Variants in ELOC observed in about 807,000 individuals in gnomAD.
ELOC encodes the protein elongin C, also known as elongin-C.
For synonymous variants in ELOC, 40 were observed against 51.3 expected (o/e 0.78, Z 0.94); for missense variants, 38 against 139.0 (o/e 0.27, Z 3.65).
rs1814144121 is a variant in ELOC at position 73,955,892 on chromosome 8, AAGAC to A, written c.148+15_148+18del. On this transcript the variant is annotated intron_variant, in intron 3 of 3. Transcript: ENST00000520242. ...CATTAAAAGTGAATATATGAAGAAA[AAGAC>A]AGAACTGTGCTTACCTGGGCCACTC... is the stretch of plus-strand genomic sequence containing the variant. The A allele has an allele frequency of 5.1e-6, 8 of 1,578,906 alleles. No homozygotes were observed. Among genetic ancestry groups the A allele is most frequent in the Middle Eastern group, 1.8e-4 (1 of 5,702 alleles).
chr8:73,965,351 G>A (rs1814902776), intron 1 of ELOC, among the ~76,000 whole-genome samples: 1 of 152,146 alleles, frequency 6.6e-6, no homozygotes, highest in Non-Finnish European at 1.5e-5. Flanking sequence ...GAGAGGATGT[G>A]GAGCAAATGA....
chr8:73,952,555 C>T (rs530007053), intron 3 of ELOC, among the ~76,000 whole-genome samples: 7 of 148,686 alleles, frequency 4.7e-5, no homozygotes, highest in East Asian at 2.0e-4. Flanking sequence ...CTGAGATGGG[C>T]GGATCATGAG....
chr8:73,960,900 C>A (rs1227341608), intron 1 of ELOC, among the ~76,000 whole-genome samples: 1 of 152,000 alleles, frequency 6.6e-6, no homozygotes, highest in South Asian at 2.1e-4. Flanking sequence ...CTGCCTGAAC[C>A]CAGGAGACTG....
chr8:73,948,255 T>G (rs1056086985), intron 3 of ELOC, among the ~76,000 whole-genome samples: 3 of 151,746 alleles, frequency 2.0e-5, no homozygotes, highest in African/African-American at 7.3e-5. Flanking sequence ...TCTAATTCTC[T>G]CCCTGTGGGT....
At chr8:73,971,032 CAAAAAAA>C (rs67188912) in intron 1 of ELOC, among the ~76,000 whole-genome samples, 5 of 62,036 alleles carry the variant, frequency 8.1e-5, no homozygotes, top group Non-Finnish European at 1.2e-4. Context: ...GACTCCGTCT[CAAAAAAA>C]AAAAAAAAAA....
chr8:73,948,835 A>AAGCAAG (rs1813560244), intron 3 of ELOC, among the ~76,000 whole-genome samples: 78 of 150,380 alleles, frequency 5.2e-4, no homozygotes, highest in African/African-American at 1.8e-3. Context: ...CCTGTCACTC[A>AAGCAAG]CAAGCAAGCA....
At chr8:73,971,674 T>C (rs1236047845) in intron 1 of ELOC, among the ~76,000 whole-genome samples, 1 of 151,922 alleles carries the variant, frequency 6.6e-6, no homozygotes, top group Non-Finnish European at 1.5e-5. Context: ...GTACTGCAGC[T>C]AGAAGAAGCG....
rs1413241259 is a variant in ELOC, at chr8:73,946,595, GAA to G, written c.*33_*34del. 1.1e-5 allele frequency: 17 copies of G among 1,483,132 alleles called. No homozygotes were observed. The highest frequency in any genetic ancestry group is 1.4e-5 in the Non-Finnish European group (16 of 1,107,050). The allele number at this position is 1,483,132 out of a possible 1,614,324, so 91.9% of individuals were successfully genotyped here. On this transcript the variant is annotated 3_prime_UTR_variant, in exon 4 of 4. Coordinates refer to ENST00000520242, the MANE Select transcript of ELOC (RefSeq NM_005648.4). ...AACTGAACTACAGGTATTAAATACT[GAA>G]AAGAGTTAACAGTTTATTATAATTT...
intron 2 of ELOC, among the ~76,000 whole-genome samples, chr8:73,956,781 A>G (rs1276126593): frequency 1.3e-5 from 2 of 152,232 alleles, no homozygotes; most frequent in African/African-American, 2.4e-5. Context: ...ACTTCCTTTG[A>G]CAAGTCCTAA....
intron 3 of ELOC, 93 bp downstream of exon 3, chr8:73,955,818 T>G (rs977778635): frequency 1.8e-5 from 24 of 1,337,216 alleles, no homozygotes; most frequent in Non-Finnish European, 2.4e-5. Flanking sequence ...AAGACTTATT[T>G]TCTCTTTAAA....
chr8:73,957,032 GC>G (rs1413625516), intron 2 of ELOC, among the ~76,000 whole-genome samples: 1 of 152,006 alleles, frequency 6.6e-6, no homozygotes, highest in Non-Finnish European at 1.5e-5. Context: ...AATTAGCTGG[GC>G]GTGGTGGCGG....
rs901254209 is a variant in ELOC, at chr8:73,954,686, T to C, written c.148+1225A>G. ...AAAAAAAGAATAGAGATTTGGAAGGTAGCAACTTGTTTTATCTAGCTAGGA... is the reference window on the plus strand; with the variant it reads ...AAAAAAAGAATAGAGATTTGGAAGGCAGCAACTTGTTTTATCTAGCTAGGA... On this transcript the variant is annotated intron_variant, in intron 3 of 3. Transcript: ENST00000520242. 2.1e-5 allele frequency among the ~76,000 whole-genome samples: 3 copies of C among 145,414 alleles called. No homozygotes were observed. In the Admixed American group the frequency reaches 2.1e-4, roughly 10 times the overall value.
rs534259033 is a variant in ELOC, at chr8:73,961,577, G to A, written c.-50-1759C>T. Among the ~76,000 whole-genome samples, 6 of 151,780 alleles carry A rather than the reference G, an allele frequency of 4.0e-5. No homozygotes were observed. In the East Asian group the frequency reaches 5.8e-4, roughly 15 times the overall value. Reference sequence around the variant, plus strand: ...TGCCCAGGCTGGAGTGCAGAAGCACGATCTCAGCTCACAGCAACCTCTGCC... The same window carrying A: ...TGCCCAGGCTGGAGTGCAGAAGCACAATCTCAGCTCACAGCAACCTCTGCC... On this transcript the variant is annotated intron_variant, in intron 1 of 3. Coordinates refer to ENST00000520242, the MANE Select transcript of ELOC (RefSeq NM_005648.4).
chr8:73,954,601 G>A (rs1393288916), intron 3 of ELOC, among the ~76,000 whole-genome samples: 4 of 150,240 alleles, frequency 2.7e-5, no homozygotes, highest in Non-Finnish European at 5.9e-5. Context: ...GCAGTGAGCC[G>A]AGATCGTGCC....
rs144261496 is a variant in ELOC, at chr8:73,972,035, C to T, written c.-51+42G>A. 2.0e-3 allele frequency: 299 copies of T among 152,616 alleles called. 1 individual carries two copies. The highest frequency in any genetic ancestry group is 3.4e-3 in the Middle Eastern group (1 of 296). 9.5% of individuals were successfully genotyped at this position (152,616 alleles called of 1,614,324 possible). ...CCGTCTCGGCCTCCCTCGCCCTCCA[C>T]CCTTACCCGGAGCTCCGTTTCCGCC... On this transcript the variant is annotated intron_variant, in intron 1 of 3. Transcript: ENST00000520242.
intron 2 of ELOC, among the ~76,000 whole-genome samples, chr8:73,957,551 CAATT>C (rs992625727): frequency 6.6e-6 from 1 of 152,148 alleles, no homozygotes; most frequent in African/African-American, 2.4e-5. Flanking sequence ...ATTTGTTAAA[CAATT>C]AATTCAGAAA....
intron 1 of ELOC, among the ~76,000 whole-genome samples, chr8:73,968,221 G>C (rs532232800): frequency 6.6e-6 from 1 of 152,222 alleles, no homozygotes; most frequent in East Asian, 1.9e-4. Context: ...TCTTCCAAAT[G>C]AGACAATTGG....
chr8:73,953,414 C>G (rs150426639), intron 3 of ELOC, among the ~76,000 whole-genome samples: 9,900 of 152,108 alleles, frequency 0.065, 481 homozygotes, highest in Admixed American at 0.16. Context: ...CAGTGGCTCA[C>G]GCTTGTAATC....
rs1814739170 is a variant in ELOC, at chr8:73,963,388, GTTTCT to G, written c.-50-3575_-50-3571del. 2.6e-5 allele frequency among the ~76,000 whole-genome samples: 4 copies of G among 152,078 alleles called. No homozygotes were observed. The South Asian group carries it at 8.3e-4, about 31-fold the overall frequency. ...GTAAGTCTCCATTTTGTTCTCACATGTTTCTTGTTAGGTCTACTTTTAGGTACTTT... is the reference window on the plus strand; with the variant it reads ...GTAAGTCTCCATTTTGTTCTCACATGTGTTAGGTCTACTTTTAGGTACTTT... On this transcript the variant is annotated intron_variant, in intron 1 of 3. Coordinates refer to ENST00000520242, the MANE Select transcript of ELOC (RefSeq NM_005648.4).
Sources: allele counts gnomAD v4.1 joint callset (sites outside exome capture counted in the v4.1 genomes callset), GRCh38; gene constraint gnomAD v4.1.1; transcripts MANE v1.5; gene names NCBI Gene and HGNC (gene_info 2026-07-23, HGNC 2026-07-21).